SLC35F5: variants seen among roughly 807,000 people sequenced by gnomAD.
The protein encoded by SLC35F5 is solute carrier family 35 member F5.
Under a neutral mutation model 68.6 loss-of-function variants are expected in SLC35F5, and 54 were observed. The observed-to-expected ratio is 0.79, with a 90% CI of 0.63 to 0.99. The LOEUF (loss-of-function observed/expected upper bound fraction) is 0.99. Among genes scored for constraint, SLC35F5 ranks in the 50% least tolerant of loss-of-function variants. SLC35F5 has a pLI of 0.00. For missense variants in SLC35F5, 567 were observed against 626.9 expected, an observed-to-expected ratio of 0.90 and a Z score of 1.02; for synonymous variants, 211 against 205.2, an observed-to-expected ratio of 1.03 and a Z score of -0.24.
In SLC35F5 at chr2:113,723,155, T is replaced by A; in HGVS notation, c.1290A>T (p.Ala430=). 6.3e-7 allele frequency: 1 copy of A among 1,594,192 alleles called. No individual in the cohort carries two copies. The change falls in exon 13 of 16, where the codon GCA becomes GCT. Residue 430 remains alanine (A), a synonymous_variant. Coordinates refer to ENST00000245680, the MANE Select transcript of SLC35F5 (RefSeq NM_025181.5). ...FLTSSLIGTL[A]LSLTIPLSII... is the part of the protein sequence containing the mutation. Reference sequence around the variant, plus strand: ...TGGACAGAGGTATTGTAAGGCTTAGTGCAAGTGTGCCTATCAATGATGAGG... The same window carrying A: ...TGGACAGAGGTATTGTAAGGCTTAGAGCAAGTGTGCCTATCAATGATGAGG...
At chr2:113,735,639 C>A in intron 8 of SLC35F5, 138 bp downstream of exon 8, 1 of 532,982 alleles carries the variant, frequency 1.9e-6, no homozygotes, top group Non-Finnish European at 3.4e-6. Flanking sequence ...GATTAAAAGG[C>A]AGTTGTAATA....
At chr2:113,745,214 G>A (rs1676440669) in intron 5 of SLC35F5, among the ~76,000 whole-genome samples, 1 of 152,112 alleles carries the variant, frequency 6.6e-6, no homozygotes, top group Admixed American at 6.5e-5. Context: ...TTTGCCCTCT[G>A]TACTGATAGA....
chr2:113,731,435 G>A (rs764579745), intron 10 of SLC35F5, 149 bp downstream of exon 10: 24 of 567,400 alleles, frequency 4.2e-5, no homozygotes, highest in African/African-American at 1.7e-4. Context: ...AACTATTTAC[G>A]CATTTTTTTA....
intron 3 of SLC35F5, among the ~76,000 whole-genome samples, chr2:113,753,480 T>C (rs990468833): frequency 6.6e-6 from 1 of 152,140 alleles, no homozygotes; most frequent in Admixed American, 6.5e-5. Flanking sequence ...CCTGGCCCTA[T>C]CTCCAAAGTT....
chr2:113,704,585 C>A (rs982180090), downstream of SLC35F5, among the ~76,000 whole-genome samples: 10 of 152,206 alleles, frequency 6.6e-5, no homozygotes, highest in East Asian at 1.9e-3. Flanking sequence ...AGAAATCGAG[C>A]GCAGCGCCGG....
At chr2:113,747,666 T>C (rs1194563881) in intron 4 of SLC35F5, among the ~76,000 whole-genome samples, 3 of 152,222 alleles carry the variant, frequency 2.0e-5, no homozygotes, top group Non-Finnish European at 2.9e-5. Flanking sequence ...AATGATGGGA[T>C]GTTGGTAAGG....
intron 3 of SLC35F5, among the ~76,000 whole-genome samples, chr2:113,753,382 G>A (rs1370440544): frequency 2.0e-5 from 3 of 151,630 alleles, no homozygotes; most frequent in African/African-American, 7.3e-5. Context: ...TCACCATGTT[G>A]GCCAGGCTGG....
At chr2:113,746,121 G>A (rs1367421555) in intron 5 of SLC35F5, among the ~76,000 whole-genome samples, 156 bp downstream of exon 5, 1 of 152,064 alleles carries the variant, frequency 6.6e-6, no homozygotes, top group Non-Finnish European at 1.5e-5. Context: ...ACCCTAAGGA[G>A]AAAAAAAGTA....
chr2:113,728,567 A>G (rs1220697654), intron 11 of SLC35F5, among the ~76,000 whole-genome samples: 2 of 152,172 alleles, frequency 1.3e-5, no homozygotes, highest in East Asian at 1.9e-4. Context: ...TTTCCTTCCA[A>G]CCATCCCAGA....
At chr2:113,704,745 C>T (rs898973167), downstream of SLC35F5, among the ~76,000 whole-genome samples, 2 of 152,092 alleles carry the variant, frequency 1.3e-5, no homozygotes, top group Admixed American at 6.5e-5. Flanking sequence ...CGCGCTGGCC[C>T]GCAAGCACCG....
At chr2:113,705,143 C>G (rs1686772673), downstream of SLC35F5, 1 of 152,192 alleles carries the variant, frequency 6.6e-6, no homozygotes, top group African/African-American at 2.4e-5. Context: ...AATGTCTAAA[C>G]TATGACACTT....
At chr2:113,747,795 A>C (rs1393519471) in intron 4 of SLC35F5, among the ~76,000 whole-genome samples, 1 of 152,210 alleles carries the variant, frequency 6.6e-6, no homozygotes, top group Non-Finnish European at 1.5e-5. Context: ...ACAAGCTTTA[A>C]AAATGACATT....
At chr2:113,729,625 A>G in intron 10 of SLC35F5, 120 bp from the exon 11 acceptor site, 1 of 635,364 alleles carries the variant, frequency 1.6e-6, no homozygotes, top group Non-Finnish European at 2.8e-6. Flanking sequence ...ATATATAATG[A>G]TATAAATCAC....
Position 113,750,572 on chromosome 2 carries a change from T to C in SLC35F5, c.274-4A>G. 6.3e-7 allele frequency: 1 copy of C among 1,597,518 alleles called. No homozygotes were observed. Among genetic ancestry groups the C allele is most frequent in the South Asian group, 1.1e-5 (1 of 87,946 alleles). ...TGTTGTACTGGGTAAAAACATACTG[T>C]AGAGGAAAAAGTTACACAGACAACT... On this transcript the variant is annotated splice_polypyrimidine_tract_variant and splice_region_variant and intron_variant, in intron 3 of 15. Transcript: ENST00000245680.
rs1686821543 is a variant in SLC35F5 at position 113,707,171 on chromosome 2, C to T, written c.*8047G>A. Among the ~76,000 whole-genome samples, 1 of 140,910 alleles carries T rather than the reference C, an allele frequency of 7.1e-6. No individual in the cohort carries two copies. The highest frequency in any genetic ancestry group is 1.6e-5 in the Non-Finnish European group (1 of 61,696). 92.4% of individuals were successfully genotyped at this position (140,910 alleles called of 152,430 possible). On this transcript the variant is annotated 3_prime_UTR_variant, in exon 16 of 16. Coordinates refer to ENST00000245680, the MANE Select transcript of SLC35F5 (RefSeq NM_025181.5). The stretch of plus-strand genomic sequence containing the variant: ...GAAAAACATTTCTAAAACATTGTTT[C>T]CATAACTCATTATAAATATTTCATC...
rs1011078352 is a variant in SLC35F5, at chr2:113,720,222, C to T, written c.1342-914G>A. 1.5e-4 allele frequency among the ~76,000 whole-genome samples: 22 copies of T among 150,560 alleles called. No homozygotes were observed. The East Asian group carries it at 3.9e-3, about 27-fold the overall frequency. The stretch of plus-strand genomic sequence containing the variant: ...AGCCTACACTGATCAACCACTGAGA[C>T]TTAAGTGTAACACACAGGAGGTTTG... On this transcript the variant is annotated intron_variant, in intron 13 of 15. Coordinates refer to ENST00000245680, the MANE Select transcript of SLC35F5 (RefSeq NM_025181.5).
rs1686863638 is a variant in SLC35F5 at position 113,708,410 on chromosome 2, TAAAA to T, written c.*6804_*6807del. On this transcript the variant is annotated 3_prime_UTR_variant, in exon 16 of 16. Coordinates refer to ENST00000245680, the MANE Select transcript of SLC35F5 (RefSeq NM_025181.5). Reference sequence around the variant, plus strand: ...GAACACCCTAGTGACAACTTTTAAATAAAATACTGGATAGCTGGGCGCAGTGGCT... The same window carrying T: ...GAACACCCTAGTGACAACTTTTAAATTACTGGATAGCTGGGCGCAGTGGCT... Among the ~76,000 whole-genome samples the T allele has an allele frequency of 6.6e-6, 1 of 152,076 alleles. No individual in the cohort carries two copies. Among genetic ancestry groups the T allele is most frequent in the Admixed American group, 6.6e-5 (1 of 15,266 alleles).
At position 113,729,509 on chromosome 2, in the gene SLC35F5, T is replaced by TA. The variant is rs761757050; in HGVS notation, c.986-5dup. The TA allele has an allele frequency of 4.0e-6, 6 of 1,517,840 alleles. No individual in the cohort carries two copies. In the Admixed American group the frequency reaches 1.1e-4, roughly 28 times the overall value. 94.0% of individuals were successfully genotyped at this position (1,517,840 alleles called of 1,614,324 possible). A position where few individuals can be genotyped will look rare whatever the true frequency, so the allele number is the denominator to read the frequency against. Reference sequence around the variant, plus strand: ...CCAGCAAGAGACCAAATGGAACCTGTAAAAATGGACATGATTTAAAGCAAT... The same window carrying TA: ...CCAGCAAGAGACCAAATGGAACCTGTAAAAAATGGACATGATTTAAAGCAAT... On this transcript the variant is annotated splice_polypyrimidine_tract_variant and splice_region_variant and intron_variant, in intron 10 of 15. Coordinates refer to ENST00000245680, the MANE Select transcript of SLC35F5 (RefSeq NM_025181.5).
chr2:113,752,164 A>G (rs1261913278), intron 3 of SLC35F5, among the ~76,000 whole-genome samples: 3 of 151,028 alleles, frequency 2.0e-5, no homozygotes, highest in Non-Finnish European at 1.5e-5. Context: ...GTGAGCCGAG[A>G]TAGTGCCATT....
Sources: gnomAD v4.1 joint callset for allele counts (sites outside exome capture counted in the v4.1 genomes callset) on GRCh38, gnomAD v4.1.1 for gene constraint, MANE v1.5 for transcripts, NCBI Gene and HGNC (gene_info 2026-07-23, HGNC 2026-07-21) for gene names.